Variants in TDRD1 observed in about 807,000 individuals in gnomAD.
The protein encoded by TDRD1 is tudor domain containing 1.
In TDRD1, 37 loss-of-function variants were observed where a neutral mutation model predicts 140.6. The observed-to-expected ratio is 0.26, with a 90% CI of 0.20 to 0.35. The LOEUF (loss-of-function observed/expected upper bound fraction) is 0.35. TDRD1 is among the 10% of genes least tolerant of loss of function. TDRD1 has a pLI of 1.00. For synonymous variants in TDRD1, 506 were observed against 475.7 expected (o/e 1.06, Z -0.83); for missense variants, 1,243 against 1,393.0 (o/e 0.89, Z 1.71).
chr10:114,187,217 A>G (rs983871065), intron 1 of TDRD1, among the ~76,000 whole-genome samples: 2 of 152,346 alleles, frequency 1.3e-5, no homozygotes, highest in South Asian at 4.1e-4. Flanking sequence ...AGCAGTAGGT[A>G]TAAATTACAA....
At chr10:114,220,742 A>G in exon 19 of TDRD1, 1 of 1,609,470 alleles carries the variant, frequency 6.2e-7, no homozygotes, top group Non-Finnish European at 8.5e-7. Context: ...GTTCTGATTG[A>G]TGAACATCTG....
chr10:114,175,485 A>G (rs1483252171), upstream of TDRD1, among the ~76,000 whole-genome samples: 1 of 151,682 alleles, frequency 6.6e-6, no homozygotes, highest in East Asian at 1.9e-4. Flanking sequence ...TTTTTTCGTG[A>G]AAAAAAAGGT....
rs564830607 is a variant in TDRD1, at chr10:114,193,069, G to C, written c.384+2050G>C. ...TGCTGTGTTGAATCTTCCAATCTAT[G>C]AACATGGTGTTTCTCCTTTTATGTA... On this transcript the variant is annotated intron_variant, in intron 3 of 25. Coordinates refer to ENST00000251864, the Ensembl canonical transcript of TDRD1. Among the ~76,000 whole-genome samples the C allele has an allele frequency of 1.3e-4, 20 of 152,206 alleles. No individual in the cohort carries two copies. In the East Asian group the frequency reaches 2.9e-3, roughly 22 times the overall value.
intron 11 of TDRD1, 104 bp from the exon 12 acceptor site, chr10:114,210,477 G>A (rs1247266273): frequency 8.8e-7 from 1 of 1,140,388 alleles, no homozygotes; most frequent in Non-Finnish European, 1.2e-6. Flanking sequence ...CAGGAACCTT[G>A]CAGTCATAGT....
At chr10:114,221,448 G>T in exon 20 of TDRD1, 1 of 1,613,476 alleles carries the variant, frequency 6.2e-7, no homozygotes, top group Non-Finnish European at 8.5e-7. Context: ...GCCCAAACTT[G>T]TTTTATGCTC....
chr10:114,210,776 T>C (rs1300216688), intron 12 of TDRD1, 28 bp downstream of exon 12: 1 of 1,610,298 alleles, frequency 6.2e-7, no homozygotes, highest in South Asian at 1.1e-5. Flanking sequence ...ATTTGCTCTA[T>C]GAAGCTAAAA....
intron 3 of TDRD1, among the ~76,000 whole-genome samples, chr10:114,194,290 T>G (rs2120336333): frequency 6.6e-6 from 1 of 152,312 alleles, no homozygotes; most frequent in South Asian, 2.1e-4. Flanking sequence ...CTCTAAACAT[T>G]TGGTAGAATT....
chr10:114,180,809 A>G (rs552267614), intron 1 of TDRD1, among the ~76,000 whole-genome samples: 5 of 152,328 alleles, frequency 3.3e-5, no homozygotes, highest in South Asian at 4.1e-4. Flanking sequence ...TGCAGAATAC[A>G]TGGGGTTGCC....
chr10:114,201,269 A>G, intron 4 of TDRD1, 141 bp from the exon 5 acceptor site: 1 of 640,942 alleles, frequency 1.6e-6, no homozygotes, highest in Non-Finnish European at 2.7e-6. Flanking sequence ...GTATTCTCAG[A>G]GTTTAAAAGT....
rs752920955 is a variant in TDRD1, at chr10:114,203,557, C to G, written c.971C>G (p.Thr324Ser). ...GGGGAAGTTTGTATTGCCAAGTACA[C>G]TGTTGATCAGGTAACCTGTAATGAA... Residue 324 changes from threonine (T) to serine (S), a missense_variant, in exon 8 of 26, where the codon ACT (threonine) becomes AGT (serine). Thr to Ser is a moderately conservative substitution (Grantham distance 58). This residue lies in a region of TDRD1 where 392 missense variants were observed against 394.1 expected (regional missense o/e 0.99). Coordinates refer to ENST00000251864, the Ensembl canonical transcript of TDRD1. The G allele has an allele frequency of 3.7e-6, 6 of 1,604,706 alleles. No individual in the cohort carries two copies. The South Asian group carries it at 5.6e-5, about 15-fold the overall frequency.
intron 21 of TDRD1, among the ~76,000 whole-genome samples, chr10:114,224,484 T>C (rs967891409): frequency 6.6e-5 from 10 of 152,200 alleles, no homozygotes; most frequent in African/African-American, 9.6e-5. Context: ...CTTTCCTGAA[T>C]TAATGCTTTT....
chr10:114,213,664 A>C (rs1483480451), intron 15 of TDRD1, 76 bp downstream of exon 15: 2 of 1,306,438 alleles, frequency 1.5e-6, no homozygotes, highest in African/African-American at 1.5e-5. Context: ...TCTTGTACTT[A>C]TAAAAAGAAT....
upstream of TDRD1, among the ~76,000 whole-genome samples, chr10:114,178,349 T>C (rs1282968609): frequency 6.6e-6 from 1 of 152,230 alleles, no homozygotes; most frequent in Non-Finnish European, 1.5e-5. Context: ...CAGCACACTT[T>C]AAATATTAGG....
chr10:114,212,585 TA>T (rs2035556098), intron 14 of TDRD1, among the ~76,000 whole-genome samples: 1 of 152,228 alleles, frequency 6.6e-6, no homozygotes, highest in Non-Finnish European at 1.5e-5. Context: ...CTAGTGAGGC[TA>T]AACATTGTTT....
chr10:114,187,387 A>G (rs904612246), intron 1 of TDRD1, among the ~76,000 whole-genome samples: 1 of 152,192 alleles, frequency 6.6e-6, no homozygotes, highest in African/African-American at 2.4e-5. Flanking sequence ...AGGATTAGAT[A>G]TAGCATAAAG....
intron 21 of TDRD1, among the ~76,000 whole-genome samples, chr10:114,224,552 A>G (rs1424378767): frequency 6.6e-6 from 1 of 151,610 alleles, no homozygotes; most frequent in Non-Finnish European, 1.5e-5. Flanking sequence ...CTGAATTTGA[A>G]CTCTGCTAAA....
intron 2 of TDRD1, among the ~76,000 whole-genome samples, chr10:114,190,026 T>A (rs890667817): frequency 1.3e-5 from 2 of 152,218 alleles, no homozygotes; most frequent in African/African-American, 2.4e-5. Flanking sequence ...ATTATTTGCC[T>A]TTAACAGAGG....
intron 11 of TDRD1, among the ~76,000 whole-genome samples, chr10:114,207,037 T>G (rs116385740): frequency 0.014 from 2,072 of 152,354 alleles, 46 homozygotes; most frequent in African/African-American, 0.047. Flanking sequence ...GATGACTGTT[T>G]ACTCCTGTAA....
At chr10:114,190,823 G>T in intron 2 of TDRD1, 138 bp from the exon 3 acceptor site, 2 of 773,066 alleles carry the variant, frequency 2.6e-6, no homozygotes, top group Non-Finnish European at 2.1e-6. Flanking sequence ...GTAGGATGTT[G>T]CTTATGTTCT....
Sources: allele counts gnomAD v4.1 joint callset (sites outside exome capture counted in the v4.1 genomes callset), GRCh38; gene constraint gnomAD v4.1.1; regional missense constraint gnomAD v4.1.1; transcripts MANE v1.5; gene names NCBI Gene and HGNC (gene_info 2026-07-23, HGNC 2026-07-21).